PRPH2: variants seen among roughly 807,000 people sequenced by gnomAD.
PRPH2 encodes peripherin-2.
In PRPH2, 17 loss-of-function variants were observed where a neutral mutation model predicts 31.3. The ratio of observed to expected loss-of-function variants is 0.54; its 90% CI spans 0.37 to 0.81. The LOEUF is 0.81. Among genes scored for constraint, PRPH2 ranks in the 40% least tolerant of loss-of-function variants. The pLI is 0.00. For missense variants in PRPH2, 430 were observed against 439.7 expected, an observed-to-expected ratio of 0.98 and a Z score of 0.20; for synonymous variants, 165 against 184.4, an observed-to-expected ratio of 0.89 and a Z score of 0.85.
chr6:42,717,937 G>A (rs757937487), intron 1 of PRPH2, among the ~76,000 whole-genome samples: 16 of 151,998 alleles, frequency 1.1e-4, no homozygotes, highest in Admixed American at 6.6e-5. Context: ...AGGTTGAGGC[G>A]GGAGCATCAC....
At chr6:42,703,701 G>A (rs12333241) in intron 2 of PRPH2, among the ~76,000 whole-genome samples, 37,488 of 152,086 alleles carry the variant, frequency 0.25, 5,081 homozygotes, top group East Asian at 0.47. Flanking sequence ...AGATTTTCTT[G>A]GGGGCTGATG....
intron 1 of PRPH2, among the ~76,000 whole-genome samples, chr6:42,704,979 G>A (rs1175499410): frequency 1.3e-5 from 2 of 152,206 alleles, no homozygotes; most frequent in Non-Finnish European, 2.9e-5. Flanking sequence ...GCTGCCACTG[G>A]TGATGCCCAC....
At chr6:42,705,599 A>AAAAAAATATATATAT (rs1562424252) in intron 1 of PRPH2, among the ~76,000 whole-genome samples, 13 of 21,482 alleles carry the variant, frequency 6.1e-4, no homozygotes, top group Non-Finnish European at 7.6e-4. Context: ...AAAAAAAAAA[A>AAAAAAATATATATAT]ATATATATAT....
chr6:42,696,949 C>T lies in PRPH2; in HGVS notation c.*1346G>A, dbSNP rs1799953405. 1 of 152,094 alleles carries T rather than the reference C, an allele frequency of 6.6e-6. No homozygotes were observed. The highest frequency in any genetic ancestry group is 1.5e-5 in the Non-Finnish European group (1 of 68,032). The allele number at this position is 152,094 out of a possible 1,614,324, so 9.4% of individuals were successfully genotyped here. ...TTCTTAGGACAGCAGAGAACCCAAA[C>T]TCAGTCCAAAGTAACCTATTCCCAA... On this transcript the variant is annotated 3_prime_UTR_variant, in exon 3 of 3. Coordinates refer to ENST00000230381, the MANE Select transcript of PRPH2 (RefSeq NM_000322.5).
At position 42,719,101 on chromosome 6, in the gene PRPH2, C is replaced by T. The variant is rs181750279; in HGVS notation, c.581+2653G>A. Among the ~76,000 whole-genome samples the T allele has an allele frequency of 4.6e-5, 7 of 151,814 alleles. No homozygotes were observed. The East Asian group carries it at 1.2e-3, about 25-fold the overall frequency. On this transcript the variant is annotated intron_variant, in intron 1 of 2. Coordinates refer to ENST00000230381, the MANE Select transcript of PRPH2 (RefSeq NM_000322.5). ...CTCAAAGATGCCCATTCCAGTGTTA[C>T]TTATAATAGAGGTAAATAAAAATCT...
chr6:42,704,387 G>T lies in PRPH2; in HGVS notation c.806C>A (p.Thr269Lys), dbSNP rs781212034. The T allele has an allele frequency of 6.2e-7, 1 of 1,609,394 alleles. No individual in the cohort carries two copies. Among genetic ancestry groups the T allele is most frequent in the Admixed American group, 1.7e-5 (1 of 59,160 alleles). The stretch of plus-strand genomic sequence containing the variant: ...TACCTCGAAGAGCCAAATGAGGAGC[G>T]TGACGACACCCATGGAGTTCATGAG... ...SSLMNSMGVV[T>K]LLIWLFEVTI... Residue 269 changes from threonine to lysine, a missense_variant, in exon 2 of 3, where the codon ACG becomes AAG. Coordinates refer to ENST00000230381, the MANE Select transcript of PRPH2 (RefSeq NM_000322.5).
intron 1 of PRPH2, among the ~76,000 whole-genome samples, chr6:42,712,488 T>A (rs554419503): frequency 5.9e-5 from 9 of 152,198 alleles, no homozygotes; most frequent in Non-Finnish European, 1.3e-4. Context: ...AAGGAAAGTA[T>A]GTCCAGGATT....
At chr6:42,698,634 G>A (rs1246068132) in intron 2 of PRPH2, 127 bp from the exon 3 acceptor site, 3 of 1,359,068 alleles carry the variant, frequency 2.2e-6, no homozygotes, top group Non-Finnish European at 3.1e-6. Flanking sequence ...GTGGAGTGTG[G>A]GTTGGTGACA....
In PRPH2 at chr6:42,719,771, G is replaced by A. The variant is rs148312104; in HGVS notation, c.581+1983C>T. Among the ~76,000 whole-genome samples, 101 of 151,060 alleles carry A rather than the reference G, an allele frequency of 6.7e-4. 1 individual carries two copies. The East Asian group carries it at 0.019, about 28-fold the overall frequency. On this transcript the variant is annotated intron_variant, in intron 1 of 2. Transcript: ENST00000230381. Reference sequence around the variant, plus strand: ...TTTAGTAGAGACGGGGTTTCTCCGTGTTGGTCAGGCTGGTCTCGAACTCCT... The same window carrying A: ...TTTAGTAGAGACGGGGTTTCTCCGTATTGGTCAGGCTGGTCTCGAACTCCT...
intron 1 of PRPH2, among the ~76,000 whole-genome samples, chr6:42,709,729 C>T (rs1000345100): frequency 3.3e-5 from 5 of 152,126 alleles, no homozygotes; most frequent in African/African-American, 1.2e-4. Context: ...ACCCCAGCTC[C>T]CTCACCAACC....
intron 1 of PRPH2, among the ~76,000 whole-genome samples, chr6:42,721,035 C>T (rs1321204588): frequency 2.0e-5 from 3 of 152,210 alleles, no homozygotes; most frequent in East Asian, 1.9e-4. Flanking sequence ...GCTAAGTAAA[C>T]ACCAGCAAGC....
rs1799952462 is a variant in PRPH2, at chr6:42,696,885, C to T, written c.*1410G>A. The T allele has an allele frequency of 6.6e-6, 1 of 151,694 alleles. No homozygotes were observed. Among genetic ancestry groups the T allele is most frequent in the African/African-American group, 2.4e-5 (1 of 41,240 alleles). 9.4% of individuals were successfully genotyped at this position (151,694 alleles called of 1,614,324 possible). A position where few individuals can be genotyped will look rare whatever the true frequency, so the allele number is the denominator to read the frequency against. On this transcript the variant is annotated 3_prime_UTR_variant, in exon 3 of 3. Coordinates refer to ENST00000230381, the MANE Select transcript of PRPH2 (RefSeq NM_000322.5). ...TGGGGGAATTAAGCCCAGAACATAC[C>T]CCAGCAGCACCAGAAGTCTTATTTT... is the stretch of plus-strand genomic sequence containing the variant.
chr6:42,711,226 G>A (rs142157549), intron 1 of PRPH2, among the ~76,000 whole-genome samples: 264 of 152,190 alleles, frequency 1.7e-3, no homozygotes, highest in African/African-American at 6.0e-3. Context: ...GGATGAAATC[G>A]GGCCCCTCAG....
At chr6:42,712,387 C>T (rs886662839) in intron 1 of PRPH2, among the ~76,000 whole-genome samples, 8 of 152,092 alleles carry the variant, frequency 5.3e-5, no homozygotes, top group African/African-American at 1.4e-4. Context: ...TATGACTGGT[C>T]TTGTGCTTAT....
At chr6:42,698,607 G>C in intron 2 of PRPH2, 100 bp from the exon 3 acceptor site, 1 of 1,523,714 alleles carries the variant, frequency 6.6e-7, no homozygotes, top group Non-Finnish European at 8.9e-7. Flanking sequence ...TCCCAGAGAG[G>C]ACTCAACCTG....
intron 2 of PRPH2, among the ~76,000 whole-genome samples, chr6:42,700,150 G>A (rs1446739039): frequency 6.6e-6 from 1 of 152,070 alleles, no homozygotes; most frequent in Non-Finnish European, 1.5e-5. Context: ...ATTTTTTGTA[G>A]AGACAAGGTT....
chr6:42,710,171 C>A (rs1201835290), intron 1 of PRPH2, among the ~76,000 whole-genome samples: 2 of 152,008 alleles, frequency 1.3e-5, no homozygotes, highest in Non-Finnish European at 2.9e-5. Context: ...CAGACTGGGG[C>A]TCCCTGAAGA....
At chr6:42,704,634 G>A in intron 1 of PRPH2, 23 bp from the exon 2 acceptor site, 1 of 1,614,162 alleles carries the variant, frequency 6.2e-7, no homozygotes, top group Non-Finnish European at 8.5e-7. Flanking sequence ...CAGACAGCTG[G>A]AGATGGGCTT....
intron 1 of PRPH2, among the ~76,000 whole-genome samples, chr6:42,710,736 T>C (rs898331635): frequency 2.0e-5 from 3 of 152,152 alleles, no homozygotes; most frequent in Non-Finnish European, 1.5e-5. Flanking sequence ...ACAAAGAGCC[T>C]GGGAAAATGA....
Sources: gnomAD v4.1 joint callset for allele counts (sites outside exome capture counted in the v4.1 genomes callset) on GRCh38, gnomAD v4.1.1 for gene constraint, MANE v1.5 for transcripts, NCBI Gene and HGNC (gene_info 2026-07-23, HGNC 2026-07-21) for gene names.